Variants in GALNT10 observed in about 807,000 individuals in gnomAD.
The protein encoded by GALNT10 is GalNAc transferase 10.
GALNT10 carries 41 observed loss-of-function variants against 75.0 expected under a neutral mutation model. The observed-to-expected ratio is 0.55, with a 90% CI of 0.43 to 0.71. GALNT10 has a LOEUF of 0.71. Ranked by LOEUF, GALNT10 falls within the 30% of genes least tolerant of loss-of-function variation. The probability of loss-of-function intolerance (pLI) is 0.00; values close to 1 mark genes in which losing one functional copy is unlikely to be tolerated. For missense variants in GALNT10, 727 were observed against 818.5 expected (o/e 0.89, Z 1.36); for synonymous variants, 302 against 313.0 (o/e 0.96, Z 0.37).
At chr5:154,307,386 C>T (rs570042835) in intron 3 of GALNT10, among the ~76,000 whole-genome samples, 5 of 152,100 alleles carry the variant, frequency 3.3e-5, no homozygotes, top group South Asian at 4.1e-4. Flanking sequence ...TTTGGGAGGC[C>T]GAGGTGGGCA....
chr5:154,214,766 A>T (rs922421738), intron 1 of GALNT10, among the ~76,000 whole-genome samples: 2 of 152,176 alleles, frequency 1.3e-5, no homozygotes, highest in Admixed American at 6.5e-5. Flanking sequence ...ATGAAACTGT[A>T]CTTTTCAGAA....
intron 3 of GALNT10, among the ~76,000 whole-genome samples, chr5:154,315,575 T>G (rs528090942): frequency 1.3e-5 from 2 of 152,220 alleles, no homozygotes; most frequent in African/African-American, 2.4e-5. Context: ...AAAGAGAATT[T>G]GATTGGTCTG....
chr5:154,330,016 G>C (rs1405588833), intron 4 of GALNT10: 2 of 275,396 alleles, frequency 7.3e-6, no homozygotes, highest in Non-Finnish European at 1.4e-5. Context: ...CAAGTGTAAG[G>C]ATTCATTCAC....
intron 1 of GALNT10, among the ~76,000 whole-genome samples, chr5:154,255,858 CT>C (rs1202797790): frequency 9.8e-4 from 149 of 151,744 alleles, no homozygotes; most frequent in African/African-American, 3.2e-3. Context: ...CTCCCCTCCC[CT>C]CTCCTCCTCT....
chr5:154,265,792 G>C (rs926376961), intron 1 of GALNT10, among the ~76,000 whole-genome samples: 1 of 151,934 alleles, frequency 6.6e-6, no homozygotes, highest in African/African-American at 2.4e-5. Flanking sequence ...GTGGGTTTTC[G>C]GTTTTCTGGA....
chr5:154,192,148 G>A (rs575358529), intron 1 of GALNT10, among the ~76,000 whole-genome samples: 2 of 152,366 alleles, frequency 1.3e-5, no homozygotes, highest in East Asian at 3.9e-4. Context: ...AAAGAGGCTG[G>A]CTTTTCTGAG....
chr5:154,401,988 C>T (rs963356025), intron 7 of GALNT10, among the ~76,000 whole-genome samples: 6 of 152,290 alleles, frequency 3.9e-5, no homozygotes, highest in Middle Eastern at 3.4e-3. Flanking sequence ...CCCCCCATCG[C>T]CTCAGCACCC....
intron 4 of GALNT10, among the ~76,000 whole-genome samples, chr5:154,354,863 G>A (rs190252903): frequency 2.0e-5 from 3 of 152,286 alleles, no homozygotes; most frequent in Admixed American, 2.0e-4. Context: ...ACGTGACCCT[G>A]GGTATATCCG....
intron 1 of GALNT10, among the ~76,000 whole-genome samples, chr5:154,234,675 C>T (rs1324432710): frequency 6.6e-6 from 1 of 152,226 alleles, no homozygotes; most frequent in Non-Finnish European, 1.5e-5. Context: ...GTCCTGTGGG[C>T]ATGTGACCAG....
intron 3 of GALNT10, among the ~76,000 whole-genome samples, chr5:154,313,642 C>T (rs1269905624): frequency 6.6e-6 from 1 of 152,182 alleles, no homozygotes; most frequent in Non-Finnish European, 1.5e-5. Flanking sequence ...AAGATGTCAG[C>T]CTTGGCACAC....
chr5:154,213,813 C>T (rs1254220131), intron 1 of GALNT10, among the ~76,000 whole-genome samples: 1 of 152,140 alleles, frequency 6.6e-6, no homozygotes, highest in Non-Finnish European at 1.5e-5. Flanking sequence ...AGACTCCTGG[C>T]CTCAAGTGAT....
chr5:154,406,532 C>T (rs1414214028), intron 8 of GALNT10, among the ~76,000 whole-genome samples: 2 of 152,190 alleles, frequency 1.3e-5, no homozygotes, highest in Admixed American at 6.5e-5. Flanking sequence ...CGTGGTGGCT[C>T]ATGCCTGTAA....
chr5:154,201,898 C>T (rs999634866), intron 1 of GALNT10, among the ~76,000 whole-genome samples: 1 of 151,528 alleles, frequency 6.6e-6, no homozygotes, highest in African/African-American at 2.4e-5. Flanking sequence ...CACTGCACTC[C>T]AGCCTGGGTG....
chr5:154,208,593 G>A (rs374077383), intron 1 of GALNT10, among the ~76,000 whole-genome samples: 31 of 152,186 alleles, frequency 2.0e-4, no homozygotes, highest in South Asian at 8.3e-4. Context: ...AATAGTGCCC[G>A]GCATTTAAAA....
At chr5:154,278,309 T>A (rs7708102) in intron 1 of GALNT10, among the ~76,000 whole-genome samples, 25,587 of 152,192 alleles carry the variant, frequency 0.17, 2,286 homozygotes, top group Non-Finnish European at 0.19. Flanking sequence ...CCTAGGGTAT[T>A]AATCATTGTC....
intron 4 of GALNT10, among the ~76,000 whole-genome samples, chr5:154,356,973 C>G (rs1379224846): frequency 6.6e-6 from 1 of 152,222 alleles, no homozygotes; most frequent in Non-Finnish European, 1.5e-5. Context: ...TGATACTCCT[C>G]TTTGTAGTGA....
rs1755228491 is a variant in GALNT10 at position 154,352,683 on chromosome 5, C to T, written c.568+22945C>T. Among the ~76,000 whole-genome samples the T allele has an allele frequency of 1.3e-5, 2 of 152,176 alleles. No individual in the cohort carries two copies. The highest frequency in any genetic ancestry group is 4.8e-5 in the African/African-American group (2 of 41,434). ...AGAGGAATTGGCCTTGGACCTGTCCCTGTCCTGTGCCATTTTTGAAAATTT... is the reference window on the plus strand; with the variant it reads ...AGAGGAATTGGCCTTGGACCTGTCCTTGTCCTGTGCCATTTTTGAAAATTT... On this transcript the variant is annotated intron_variant, in intron 4 of 11. Coordinates refer to ENST00000297107, the MANE Select transcript of GALNT10 (RefSeq NM_198321.4). The surrounding 1 kb of genome is among the most constrained non-coding windows in gnomAD (Gnocchi z 4.4).
chr5:154,299,230 T>C (rs758843320), intron 3 of GALNT10, among the ~76,000 whole-genome samples: 1 of 152,314 alleles, frequency 6.6e-6, no homozygotes, highest in Non-Finnish European at 1.5e-5. Context: ...CAGCCCAGAT[T>C]TACCAAATCA....
intron 1 of GALNT10, among the ~76,000 whole-genome samples, chr5:154,206,134 A>G (rs1197608931): frequency 6.6e-6 from 1 of 152,146 alleles, no homozygotes; most frequent in Non-Finnish European, 1.5e-5. Context: ...AGCTACTTAC[A>G]TTTCTTTTTA....
Sources: allele counts gnomAD v4.1 joint callset (sites outside exome capture counted in the v4.1 genomes callset), GRCh38; gene constraint gnomAD v4.1.1; non-coding constraint Gnocchi (gnomAD v3.1); transcripts MANE v1.5; gene names NCBI Gene and HGNC (gene_info 2026-07-23, HGNC 2026-07-21).